The following PRKCB variants were observed in gnomAD, a reference collection of about 807,000 sequenced individuals.
PRKCB encodes protein kinase C beta.
PRKCB carries 13 observed loss-of-function variants against 81.5 expected under a neutral mutation model. The ratio of observed to expected loss-of-function variants is 0.16; its 90% CI spans 0.10 to 0.25. PRKCB has a LOEUF of 0.25. Among genes scored for constraint, PRKCB ranks in the 10% least tolerant of loss-of-function variants. The pLI is 1.00. For synonymous variants in PRKCB, 335 were observed against 321.4 expected, an observed-to-expected ratio of 1.04 and a Z score of -0.45; for missense variants, 509 against 875.7, an observed-to-expected ratio of 0.58 and a Z score of 5.29.
chr16:24,099,297 C>T (rs1166104632), intron 7 of PRKCB: 2 of 152,186 alleles, frequency 1.3e-5, no homozygotes, highest in African/African-American at 4.8e-5. Context: ...GGAGAAGGGA[C>T]TCTATATGCT....
intron 9 of PRKCB, among the ~76,000 whole-genome samples, chr16:24,136,597 A>G (rs904505425): frequency 6.6e-6 from 1 of 152,124 alleles, no homozygotes; most frequent in Non-Finnish European, 1.5e-5. Context: ...TCAAGTCTCC[A>G]TGTCTAATTC....
chr16:23,961,444 G>A (rs1964424683), intron 2 of PRKCB, among the ~76,000 whole-genome samples: 2 of 152,138 alleles, frequency 1.3e-5, no homozygotes, highest in Non-Finnish European at 2.9e-5. Context: ...TTGATTCTCA[G>A]GCATGTGCTT....
At chr16:24,039,227 T>C (rs569834826) in intron 5 of PRKCB, among the ~76,000 whole-genome samples, 2 of 152,214 alleles carry the variant, frequency 1.3e-5, no homozygotes, top group Admixed American at 1.3e-4. Context: ...TTTTTTTCTT[T>C]TTTTCTTTTT....
At chr16:23,958,015 A>G (rs559097353) in intron 2 of PRKCB, among the ~76,000 whole-genome samples, 26 of 152,338 alleles carry the variant, frequency 1.7e-4, no homozygotes, top group Admixed American at 1.7e-3. Context: ...TATATGAGAC[A>G]GAATCTCACT....
chr16:24,217,193 T>A lies in PRKCB; in HGVS notation c.*2377T>A. Reference sequence around the variant, plus strand: ...AGGAAGGAAGGAAGGAATATAGTGTTATAAATACTGCACTCAACATTTTCC... The same window carrying A: ...AGGAAGGAAGGAAGGAATATAGTGTAATAAATACTGCACTCAACATTTTCC... On this transcript the variant is annotated 3_prime_UTR_variant, in exon 17 of 17. Coordinates refer to ENST00000643927, the MANE Select transcript of PRKCB (RefSeq NM_002738.7). 1.0e-6 allele frequency: 1 copy of A among 983,274 alleles called. No homozygotes were observed. The highest frequency in any genetic ancestry group is 1.2e-6 in the Non-Finnish European group (1 of 828,866). 60.9% of individuals were successfully genotyped at this position (983,274 alleles called of 1,614,324 possible). A position where few individuals can be genotyped will look rare whatever the true frequency, so the allele number is the denominator to read the frequency against.
At chr16:23,986,876 TTCTC>T (rs772665319) in intron 2 of PRKCB, among the ~76,000 whole-genome samples, 5 of 152,330 alleles carry the variant, frequency 3.3e-5, no homozygotes, top group Non-Finnish European at 7.4e-5. Flanking sequence ...ATCCTCCCCT[TTCTC>T]TCCCCACCTT....
chr16:23,915,404 G>A (rs990216653), intron 2 of PRKCB, among the ~76,000 whole-genome samples: 2 of 152,044 alleles, frequency 1.3e-5, no homozygotes, highest in Non-Finnish European at 2.9e-5. Flanking sequence ...AAAAGCAGAG[G>A]CTGGGAGCTG....
chr16:23,836,198 C>A lies in PRKCB; in HGVS notation c.23C>A (p.Pro8Gln), dbSNP rs781362818. 1.3e-6 allele frequency: 2 copies of A among 1,570,144 alleles called. No homozygotes were observed. Among genetic ancestry groups the A allele is most frequent in the Non-Finnish European group, 1.7e-6 (2 of 1,161,020 alleles). ...AAGATGGCTGACCCGGCTGCGGGGC[C>A]GCCGCCGAGCGAGGGCGAGGAGAGC... The part of the protein sequence containing the change: MADPAAG[P>Q]PPSEGEESTV... The change falls in exon 1 of 17, where the codon CCG (proline) becomes CAG (glutamine). Residue 8 changes from proline (P) to glutamine (Q), a missense_variant. By Grantham distance (76) the Pro-to-Gln change is moderately conservative. This residue lies in a region of PRKCB where 33 missense variants were observed against 21.9 expected (regional missense o/e 1.50). Coordinates refer to ENST00000643927, the MANE Select transcript of PRKCB (RefSeq NM_002738.7).
In PRKCB at chr16:24,155,288, A is replaced by G. The variant is rs17847875; in HGVS notation, c.1239+431A>G. Among the ~76,000 whole-genome samples the G allele has an allele frequency of 9.6e-4, 146 of 152,276 alleles. 1 individual carries two copies. The East Asian group carries it at 0.026, about 27-fold the overall frequency. The stretch of plus-strand genomic sequence containing the variant: ...ATTGGAGGGAGGATGTTGCCTGAGA[A>G]CACAGCCCTCGAGGACTCTCAGGGA... On this transcript the variant is annotated intron_variant, in intron 10 of 16. Coordinates refer to ENST00000643927, the MANE Select transcript of PRKCB (RefSeq NM_002738.7).
At chr16:24,031,452 C>T (rs1965550633) in intron 3 of PRKCB, among the ~76,000 whole-genome samples, 1 of 152,086 alleles carries the variant, frequency 6.6e-6, no homozygotes, top group Non-Finnish European at 1.5e-5. Flanking sequence ...AGGGAATGGC[C>T]CTGGAGCACA....
intron 5 of PRKCB, 73 bp downstream of exon 5, chr16:24,035,620 A>C: frequency 2.4e-5 from 4 of 166,676 alleles, no homozygotes; most frequent in South Asian, 7.1e-5. Flanking sequence ...AGGGTGGCGG[A>C]GGGGTGGGGC....
intron 13 of PRKCB, among the ~76,000 whole-genome samples, chr16:24,181,848 A>AGAACACTG (rs1967631437): frequency 6.6e-6 from 1 of 152,026 alleles, no homozygotes; most frequent in African/African-American, 2.4e-5. Context: ...AGAAATACAC[A>AGAACACTG]GAACACTGTT....
At position 24,219,655 on chromosome 16, in the gene PRKCB, AACACACACACAC is replaced by A. The variant is rs869265824; in HGVS notation, c.*4876_*4887del. 125 of 742,504 alleles carry A rather than the reference AACACACACACAC, an allele frequency of 1.7e-4. No individual in the cohort carries two copies. Among genetic ancestry groups the A allele is most frequent in the Admixed American group, 9.1e-4 (12 of 13,132 alleles). 46.0% of individuals were successfully genotyped at this position (742,504 alleles called of 1,614,324 possible). ...ATCCTAAAGCCAAAGAAAATACAGCAACACACACACACACACACACACACACACACACACACA... is the reference window on the plus strand; with the variant it reads ...ATCCTAAAGCCAAAGAAAATACAGCAACACACACACACACACACACACACA... On this transcript the variant is annotated 3_prime_UTR_variant, in exon 17 of 17. Transcript: ENST00000643927.
chr16:23,872,155 C>T (rs1205111453), intron 2 of PRKCB, among the ~76,000 whole-genome samples: 1 of 152,146 alleles, frequency 6.6e-6, no homozygotes, highest in African/African-American at 2.4e-5. Flanking sequence ...TCTTGCTGGC[C>T]AACTTAGCAG....
chr16:24,052,107 C>G (rs1965850680), intron 5 of PRKCB, among the ~76,000 whole-genome samples: 1 of 151,104 alleles, frequency 6.6e-6, no homozygotes, highest in Non-Finnish European at 1.5e-5. Flanking sequence ...AATTAATAGA[C>G]CTTAGACTAT....
rs535466058 is a variant in PRKCB at position 23,864,869 on chromosome 16, T to C, written c.205+27463T>C. On this transcript the variant is annotated intron_variant, in intron 2 of 16. Coordinates refer to ENST00000643927, the MANE Select transcript of PRKCB (RefSeq NM_002738.7). ...AACCTAGCATCTGATAGGTAGTTTT[T>C]TGACCCCCTTCCCCTATGCCCTCTC... Among the ~76,000 whole-genome samples the C allele has an allele frequency of 3.1e-4, 47 of 152,284 alleles. 2 individuals are homozygous for C. Among genetic ancestry groups the C allele is most frequent in the African/African-American group, 1.0e-3 (43 of 41,564 alleles).
At chr16:24,040,730 C>T (rs1965687270) in intron 5 of PRKCB, among the ~76,000 whole-genome samples, 1 of 152,140 alleles carries the variant, frequency 6.6e-6, no homozygotes, top group East Asian at 1.9e-4. Context: ...CTCCTAAAGT[C>T]AGGAAATGAA....
Position 24,032,131 on chromosome 16 carries a change from T to C in PRKCB, c.289-5T>C, listed in dbSNP as rs1470480143. 1 of 1,608,352 alleles carries C rather than the reference T, an allele frequency of 6.2e-7. No homozygotes were observed. Among genetic ancestry groups the C allele is most frequent in the African/African-American group, 1.3e-5 (1 of 74,906 alleles). ...GGCTCCTTCTGTTGTTTCTCTTGGC[T>C]CCAGGACCCCCGCAGCAAACACAAG... is the stretch of plus-strand genomic sequence containing the variant. On this transcript the variant is annotated splice_region_variant and splice_polypyrimidine_tract_variant and intron_variant, in intron 3 of 16. Transcript: ENST00000643927.
At chr16:24,144,352 G>A (rs998131916) in intron 9 of PRKCB, among the ~76,000 whole-genome samples, 2 of 152,140 alleles carry the variant, frequency 1.3e-5, no homozygotes, top group African/African-American at 4.8e-5. Flanking sequence ...GGAGTGCAGT[G>A]GCATGATGAT....
Sources: gnomAD v4.1 joint callset for allele counts (sites outside exome capture counted in the v4.1 genomes callset) on GRCh38, gnomAD v4.1.1 for gene constraint, gnomAD v4.1.1 regional missense constraint, MANE v1.5 for transcripts, NCBI Gene and HGNC (gene_info 2026-07-23, HGNC 2026-07-21) for gene names.